Variants in WNT8A observed in about 807,000 individuals in gnomAD.
WNT8A encodes the protein protein Wnt-8a.
In WNT8A, 14 loss-of-function variants were observed where a neutral mutation model predicts 20.5. The observed-to-expected ratio is 0.68, with a 90% CI of 0.45 to 1.07. The LOEUF (loss-of-function observed/expected upper bound fraction) is 1.07, where lower values mean the gene tolerates loss of function less well. WNT8A is among the 50% of genes least tolerant of loss of function. The pLI is 0.00. For synonymous variants in WNT8A, 167 were observed against 169.2 expected, an observed-to-expected ratio of 0.99 and a Z score of 0.10; for missense variants, 397 against 462.9, an observed-to-expected ratio of 0.86 and a Z score of 1.31.
At chr5:138,089,888 C>T (rs1193688716) in intron 4 of WNT8A, among the ~76,000 whole-genome samples, 1 of 152,152 alleles carries the variant, frequency 6.6e-6, no homozygotes, top group Non-Finnish European at 1.5e-5. Flanking sequence ...TCTTGGCCTC[C>T]TGGGCTCAAG....
chr5:138,090,863 A>G lies in WNT8A; in HGVS notation c.900A>G (p.Thr300=), dbSNP rs757481178. 3.7e-6 allele frequency: 6 copies of G among 1,614,170 alleles called. No individual in the cohort carries two copies. The highest frequency in any genetic ancestry group is 5.1e-6 in the Non-Finnish European group (6 of 1,180,038). ...AGTGCCTACAGAACAGCCACAACACATCCAGGTGGGAGCGACGTAGCTGTG... is the reference window on the plus strand; with the variant it reads ...AGTGCCTACAGAACAGCCACAACACGTCCAGGTGGGAGCGACGTAGCTGTG... The part of the protein sequence containing the change: ...GRECLQNSHN[T]SRWERRSCGR... Residue 300 remains threonine, a synonymous_variant, in exon 5 of 5, where the codon ACA becomes ACG. Transcript: ENST00000506684.
upstream of WNT8A, among the ~76,000 whole-genome samples, chr5:138,082,422 G>T (rs541947314): frequency 6.6e-6 from 1 of 151,980 alleles, no homozygotes; most frequent in Non-Finnish European, 1.5e-5. Flanking sequence ...TCTACTAAAA[G>T]TACAAAATTA....
Position 138,087,890 on chromosome 5 carries a change from T to A in WNT8A, c.380T>A (p.Phe127Tyr). 1 of 1,614,016 alleles carries A rather than the reference T, an allele frequency of 6.2e-7. No individual in the cohort carries two copies. Among genetic ancestry groups the A allele is most frequent in the Non-Finnish European group, 8.5e-7 (1 of 1,179,934 alleles). The change falls in exon 3 of 5, where the codon TTC becomes TAC. Residue 127 changes from phenylalanine (F) to tyrosine (Y), a missense_variant. Transcript: ENST00000506684. ...IITKNCSMGDFENCGCDGSNN... is the reference protein window; with the variant it reads ...IITKNCSMGDYENCGCDGSNN... ...ACCAAGAACTGTAGCATGGGTGACT[T>A]CGAAAACTGTGGCTGTGATGGGTCA...
chr5:138,091,124 T>A lies in WNT8A; in HGVS notation c.*51T>A. 6.3e-7 allele frequency: 1 copy of A among 1,576,486 alleles called. No individual in the cohort carries two copies. The highest frequency in any genetic ancestry group is 1.2e-5 in the South Asian group (1 of 84,828). ...TTAATTGCATCAGTGGAAGGGGACA[T>A]AGCTTCTCTCTTAGAGAGAACAGAT... On this transcript the variant is annotated 3_prime_UTR_variant, in exon 5 of 5. Transcript: ENST00000506684.
At chr5:138,081,967 C>A (rs1284502571), upstream of WNT8A, among the ~76,000 whole-genome samples, 2 of 152,150 alleles carry the variant, frequency 1.3e-5, no homozygotes, top group East Asian at 3.9e-4. Context: ...GACTCTTTGG[C>A]CCCTGGAACT....
upstream of WNT8A, chr5:138,084,001 C>G (rs1750574720): frequency 1.6e-6 from 2 of 1,250,750 alleles, no homozygotes; most frequent in South Asian, 1.5e-5. Flanking sequence ...AGAATTTTCT[C>G]ACATAAATAC....
intron 2 of WNT8A, 65 bp downstream of exon 2, chr5:138,084,701 T>C: frequency 6.6e-7 from 1 of 1,506,138 alleles, no homozygotes; most frequent in Non-Finnish European, 8.9e-7. Context: ...GCTTGCAGTA[T>C]GTGTATATGT....
chr5:138,091,095 T>C lies in WNT8A; in HGVS notation c.*22T>C. The C allele has an allele frequency of 1.3e-6, 2 of 1,595,770 alleles. No individual in the cohort carries two copies. Among genetic ancestry groups the C allele is most frequent in the South Asian group, 1.1e-5 (1 of 89,146 alleles). ...CTGATAATACCCCACACAAGTTCAC[T>C]TGATTAATTGCATCAGTGGAAGGGG... On this transcript the variant is annotated 3_prime_UTR_variant, in exon 5 of 5. Coordinates refer to ENST00000506684, the MANE Select transcript of WNT8A (RefSeq NM_001300939.2).
downstream of WNT8A, chr5:138,091,972 T>C (rs1226337215): frequency 6.6e-6 from 1 of 152,244 alleles, no homozygotes; most frequent in Non-Finnish European, 1.5e-5. Context: ...AAACCGTCTC[T>C]GGAGCCATGG....
Position 138,088,940 on chromosome 5 carries a change from G to C in WNT8A, c.435G>C (p.Trp145Cys). Residue 145 changes from tryptophan to cysteine, a missense_variant, in exon 4 of 5, where the codon TGG becomes TGC. Coordinates refer to ENST00000506684, the MANE Select transcript of WNT8A (RefSeq NM_001300939.2). ...SNNGKTGGHG[W>C]IWGGCSDNVE... Reference sequence around the variant, plus strand: ...CCTTGTATATAGGAGGCCATGGCTGGATCTGGGGAGGCTGCAGCGACAATG... The same window carrying C: ...CCTTGTATATAGGAGGCCATGGCTGCATCTGGGGAGGCTGCAGCGACAATG... The C allele has an allele frequency of 1.9e-6, 3 of 1,613,996 alleles. No homozygotes were observed. The highest frequency in any genetic ancestry group is 2.2e-5 in the East Asian group (1 of 44,872).
At chr5:138,080,742 A>T (rs1224507148), upstream of WNT8A, among the ~76,000 whole-genome samples, 1 of 151,896 alleles carries the variant, frequency 6.6e-6, no homozygotes, top group Admixed American at 6.6e-5. Context: ...CTGGGATTAT[A>T]GATGTGAGCT....
At chr5:138,081,470 T>C (rs1192621000), upstream of WNT8A, among the ~76,000 whole-genome samples, 1 of 152,068 alleles carries the variant, frequency 6.6e-6, no homozygotes, top group Non-Finnish European at 1.5e-5. Flanking sequence ...GGGGACTTCC[T>C]CGGAGCTATC....
Position 138,084,271 on chromosome 5 carries a change from A to G in WNT8A, c.144A>G (p.Ile48Met). 1 of 1,614,168 alleles carries G rather than the reference A, an allele frequency of 6.2e-7. No homozygotes were observed. The highest frequency in any genetic ancestry group is 8.5e-7 in the Non-Finnish European group (1 of 1,180,026). Residue 48 changes from isoleucine to methionine, a missense_variant, in exon 1 of 5, where the codon ATA becomes ATG. Coordinates refer to ENST00000506684, the MANE Select transcript of WNT8A (RefSeq NM_001300939.2). ...LFGRSVNNFL[I>M]TGPKAYLTYT... Reference sequence around the variant, plus strand: ...GTAGGTCAGTGAACAATTTCCTGATAACAGGTCCCAAGGTAGGATGATCTC... The same window carrying G: ...GTAGGTCAGTGAACAATTTCCTGATGACAGGTCCCAAGGTAGGATGATCTC...
upstream of WNT8A, among the ~76,000 whole-genome samples, chr5:138,083,050 G>A (rs1216693470): frequency 2.6e-5 from 4 of 152,090 alleles, no homozygotes; most frequent in Admixed American, 6.5e-5. Flanking sequence ...GGGAGGCCAA[G>A]GTGGGCAGAT....
chr5:138,088,505 C>T (rs555436354), intron 3 of WNT8A, among the ~76,000 whole-genome samples: 4 of 152,082 alleles, frequency 2.6e-5, no homozygotes, highest in Non-Finnish European at 4.4e-5. Flanking sequence ...TACAGGTGCC[C>T]GCCACCACAC....
At chr5:138,087,666 A>AAAAAAAAAG in intron 2 of WNT8A, 140 bp from the exon 3 acceptor site, 1 of 861,020 alleles carries the variant, frequency 1.2e-6, no homozygotes, top group Middle Eastern at 4.0e-4. Context: ...AAAAAAAAAA[A>AAAAAAAAAG]AAAAAAAAGA....
downstream of WNT8A, among the ~76,000 whole-genome samples, chr5:138,091,739 T>A (rs1346634148): frequency 6.6e-6 from 1 of 152,116 alleles, no homozygotes; most frequent in Non-Finnish European, 1.5e-5. Context: ...AGTGAGAGGA[T>A]CACTGGAGCC....
Position 138,087,829 on chromosome 5 carries a change from C to T in WNT8A, c.319C>T (p.His107Tyr). ...RSATRETSFI[H>Y]AISSAGVMYI... is the part of the protein sequence containing the mutation. ...AGCTACCAGAGAGACTTCCTTCATACATGCTATCAGCTCTGCTGGAGTCAT... is the reference window on the plus strand; with the variant it reads ...AGCTACCAGAGAGACTTCCTTCATATATGCTATCAGCTCTGCTGGAGTCAT... The change falls in exon 3 of 5, where the codon CAT (histidine) becomes TAT (tyrosine). Residue 107 changes from histidine to tyrosine, a missense_variant. By Grantham distance (83) the His-to-Tyr change is moderately conservative. Coordinates refer to ENST00000506684, the MANE Select transcript of WNT8A (RefSeq NM_001300939.2). The T allele has an allele frequency of 6.2e-7, 1 of 1,613,956 alleles. No homozygotes were observed. Among genetic ancestry groups the T allele is most frequent in the Non-Finnish European group, 8.5e-7 (1 of 1,179,920 alleles).
chr5:138,090,631 G>A lies in WNT8A; in HGVS notation c.668G>A (p.Gly223Glu), dbSNP rs772197850. The A allele has an allele frequency of 6.2e-6, 10 of 1,614,114 alleles. No individual in the cohort carries two copies. Among genetic ancestry groups the A allele is most frequent in the Non-Finnish European group, 5.1e-6 (6 of 1,180,054 alleles). Residue 223 changes from glycine (G) to glutamate (E), a missense_variant, in exon 5 of 5, where the codon GGA (glycine) becomes GAA (glutamate). By Grantham distance (98) the Gly-to-Glu change is moderately conservative. Transcript: ENST00000506684. Reference sequence around the variant, plus strand: ...CAGCTGGCTGAATTCCGGGAGATGGGAGACTACCTAAAGGCCAAGTATGAC... The same window carrying A: ...CAGCTGGCTGAATTCCGGGAGATGGAAGACTACCTAAAGGCCAAGTATGAC... Reference protein sequence around the residue: ...WLQLAEFREMGDYLKAKYDQA... With the variant: ...WLQLAEFREMEDYLKAKYDQA...
Sources: allele counts gnomAD v4.1 joint callset (sites outside exome capture counted in the v4.1 genomes callset), GRCh38; gene constraint gnomAD v4.1.1; transcripts MANE v1.5; gene names NCBI Gene and HGNC (gene_info 2026-07-23, HGNC 2026-07-21).